Variants in FAM210B observed in about 807,000 individuals in gnomAD.
FAM210B encodes family with sequence similarity 210 member B.
A neutral mutation model predicts 14.9 loss-of-function variants in FAM210B; 11 were observed. The observed-to-expected ratio is 0.74, with a 90% confidence interval of 0.46 to 1.22. The LOEUF (loss-of-function observed/expected upper bound fraction) is 1.22. FAM210B is among the 50% of genes most tolerant of loss of function. The probability of loss-of-function intolerance (pLI) is 0.00; values close to 1 mark genes in which losing one functional copy is unlikely to be tolerated. For missense variants in FAM210B, 229 were observed against 250.1 expected (o/e 0.92, Z 0.57); for synonymous variants, 113 against 110.2 (o/e 1.03, Z -0.16).
intron 1 of FAM210B, among the ~76,000 whole-genome samples, chr20:56,361,878 G>A (rs1240934049): frequency 6.6e-6 from 1 of 152,178 alleles, no homozygotes; most frequent in East Asian, 1.9e-4. Context: ...TCGGGAGGCT[G>A]AGGCAGGAGA....
chr20:56,360,275 C>T (rs1983507903), intron 1 of FAM210B: 1 of 468,802 alleles, frequency 2.1e-6, no homozygotes, highest in African/African-American at 2.0e-5. Flanking sequence ...CAGGGCCCAG[C>T]CCAGCTGTTC....
Position 56,359,178 on chromosome 20 carries a change from G to A in FAM210B, c.173G>A (p.Cys58Tyr), listed in dbSNP as rs1403799456. The change falls in exon 1 of 3, where the codon TGC (cysteine) becomes TAC (tyrosine). Residue 58 changes from cysteine (C) to tyrosine (Y), a missense_variant. By Grantham distance (194) the Cys-to-Tyr change is radical. Transcript: ENST00000371384. The surrounding 1 kb of genome is among the most constrained non-coding windows in gnomAD (Gnocchi z 4.3). ...CTGCTCCGCACGGCGCGCGGGGACT[G>A]CCGCGGCCACCAGGTAAGCACCCCA... ...ARLLRTARGD[C>Y]RGHQDPSQAT... 1 of 1,236,658 alleles carries A rather than the reference G, an allele frequency of 8.1e-7. No individual in the cohort carries two copies. Among genetic ancestry groups the A allele is most frequent in the Non-Finnish European group, 1.0e-6 (1 of 993,452 alleles). The allele number at this position is 1,236,658 out of a possible 1,614,324, so 76.6% of individuals were successfully genotyped here.
In FAM210B at chr20:56,366,404, A is replaced by G. The variant is rs185027422; in HGVS notation, c.*117A>G. On this transcript the variant is annotated 3_prime_UTR_variant, in exon 3 of 3. Transcript: ENST00000371384. ...TTGGAGAGGTAGGGGGCTAATTGCT[A>G]TGTTCTCATGGATAAACTTTGCCAG... 3.8e-4 allele frequency: 342 copies of G among 893,434 alleles called. No individual in the cohort carries two copies. The African/African-American group carries it at 4.8e-3, about 13-fold the overall frequency. 55.3% of individuals were successfully genotyped at this position (893,434 alleles called of 1,614,324 possible).
rs1983696366 is a variant in FAM210B at position 56,368,364 on chromosome 20, G to C, written c.*2077G>C. Reference sequence around the variant, plus strand: ...AAAAGAAAAAAAAGAAAAACTGATGGTGAAACCTACAGGTTTAAGGGCTTA... The same window carrying C: ...AAAAGAAAAAAAAGAAAAACTGATGCTGAAACCTACAGGTTTAAGGGCTTA... On this transcript the variant is annotated 3_prime_UTR_variant, in exon 3 of 3. Transcript: ENST00000371384. The C allele has an allele frequency of 6.6e-6, 1 of 152,342 alleles. No individual in the cohort carries two copies. The highest frequency in any genetic ancestry group is 2.1e-4 in the South Asian group (1 of 4,820). The allele number at this position is 152,342 out of a possible 1,614,324, so 9.4% of individuals were successfully genotyped here.
Position 56,359,340 on chromosome 20 carries a change from C to T in FAM210B, c.186+149C>T. 1.3e-6 allele frequency: 1 copy of T among 769,166 alleles called. No homozygotes were observed. The highest frequency in any genetic ancestry group is 1.7e-6 in the Non-Finnish European group (1 of 575,076). The allele number at this position is 769,166 out of a possible 1,614,324, so 47.6% of individuals were successfully genotyped here. On this transcript the variant is annotated intron_variant, in intron 1 of 2. Transcript: ENST00000371384. The surrounding 1 kb of genome is among the most constrained non-coding windows in gnomAD (Gnocchi z 4.3). ...AGCTCTTCCAGGGTCCCCGAAACCC[C>T]AAATCCCTGCAAGCCAAGGAAGCGA... is the stretch of plus-strand genomic sequence containing the variant.
In FAM210B at chr20:56,363,544, C is replaced by A. The variant is rs190685549; in HGVS notation, c.187-1543C>A. Among the ~76,000 whole-genome samples, 18 of 152,352 alleles carry A rather than the reference C, an allele frequency of 1.2e-4. No individual in the cohort carries two copies. Among genetic ancestry groups the A allele is most frequent in the Admixed American group, 7.8e-4 (12 of 15,310 alleles). ...AGCTGACCTCCAGCCAGGTGCGCAT[C>A]ACCTGCCGGGACAAGCCCCAGGACT... On this transcript the variant is annotated intron_variant, in intron 1 of 2. Transcript: ENST00000371384. This position sits in a 1 kb window ranked among gnomAD's most constrained non-coding sequence, Gnocchi z 4.1.
rs1205167691 is a variant in FAM210B, at chr20:56,365,189, G to A, written c.289G>A (p.Gly97Ser). The change falls in exon 2 of 3, where the codon GGC (glycine) becomes AGC (serine). Residue 97 changes from glycine to serine, a missense_variant. Around this residue, in one of 3 missense-constraint regions of FAM210B, gnomAD observed 32 missense variants for 62.2 expected, o/e 0.51. Transcript: ENST00000371384. ...QQLKKIFQEY[G>S]TVGVSLHIGI... is the part of the protein sequence containing the mutation. ...ACTGAAAAAGATTTTTCAAGAGTAT[G>A]GCACTGTTGGCGTGTCATTGCACAT... 1.2e-6 allele frequency: 2 copies of A among 1,614,036 alleles called. No individual in the cohort carries two copies. The highest frequency in any genetic ancestry group is 2.2e-5 in the South Asian group (2 of 91,080).
intron 1 of FAM210B, chr20:56,360,766 C>G (rs1427720239): frequency 6.4e-6 from 1 of 155,594 alleles, no homozygotes; most frequent in African/African-American, 2.4e-5. Context: ...GGCAGAAACC[C>G]AAGTGGGATC....
chr20:56,368,064 A>G lies in FAM210B; in HGVS notation c.*1777A>G, dbSNP rs537913716. ...CATATCCAAGAATCTTTGTAGGACA[A>G]TTTCTCCACCTGCAAGGTCTTTCAG... On this transcript the variant is annotated 3_prime_UTR_variant, in exon 3 of 3. Transcript: ENST00000371384. 6.6e-6 allele frequency: 1 copy of G among 152,584 alleles called. No homozygotes were observed. Among genetic ancestry groups the G allele is most frequent in the Non-Finnish European group, 1.5e-5 (1 of 68,042 alleles). The allele number at this position is 152,584 out of a possible 1,614,324, so 9.5% of individuals were successfully genotyped here.
At position 56,366,236 on chromosome 20, in the gene FAM210B, C is replaced by G. The variant is rs1983632905; in HGVS notation, c.528C>G (p.Val176=). 1 of 1,614,052 alleles carries G rather than the reference C, an allele frequency of 6.2e-7. No homozygotes were observed. The highest frequency in any genetic ancestry group is 1.3e-5 in the African/African-American group (1 of 74,918). The change falls in exon 3 of 3, where the codon GTC becomes GTG. Residue 176 remains valine (V), a synonymous_variant. Coordinates refer to ENST00000371384, the MANE Select transcript of FAM210B (RefSeq NM_080821.3). ...SITLVSVPLI[V]RYFRKVGFFK... ...CGCTAGTCTCTGTGCCCTTGATTGT[C>G]AGATATTTTCGAAAAGTGGGATTTT...
Position 56,363,455 on chromosome 20 carries a change from A to G in FAM210B, c.187-1632A>G, listed in dbSNP as rs1272578906. 6.6e-6 allele frequency among the ~76,000 whole-genome samples: 1 copy of G among 152,226 alleles called. No individual in the cohort carries two copies. The highest frequency in any genetic ancestry group is 1.5e-5 in the Non-Finnish European group (1 of 68,046). On this transcript the variant is annotated intron_variant, in intron 1 of 2. Coordinates refer to ENST00000371384, the MANE Select transcript of FAM210B (RefSeq NM_080821.3). The surrounding 1 kb of genome is among the most constrained non-coding windows in gnomAD (Gnocchi z 4.1). ...ACTGAGGGTTTTCCTCAAATGTTCT[A>G]AAAAATCTTATGCCTCTAAAAATAA...
Position 56,363,913 on chromosome 20 carries a change from G to A in FAM210B, c.187-1174G>A, listed in dbSNP as rs1983579816. 6.6e-6 allele frequency among the ~76,000 whole-genome samples: 1 copy of A among 152,184 alleles called. No homozygotes were observed. Among genetic ancestry groups the A allele is most frequent in the East Asian group, 1.9e-4 (1 of 5,200 alleles). ...GTCACATGCTCAGGCTGTGGCCTTGGAGGGCCTGGGTTCTAATCTTGGTGA... is the reference window on the plus strand; with the variant it reads ...GTCACATGCTCAGGCTGTGGCCTTGAAGGGCCTGGGTTCTAATCTTGGTGA... On this transcript the variant is annotated intron_variant, in intron 1 of 2. Transcript: ENST00000371384. The surrounding 1 kb of genome is among the most constrained non-coding windows in gnomAD (Gnocchi z 4.1).
At chr20:56,364,660 GCTCA>G (rs1983594214) in intron 1 of FAM210B, among the ~76,000 whole-genome samples, 1 of 152,144 alleles carries the variant, frequency 6.6e-6, no homozygotes, top group Non-Finnish European at 1.5e-5. Context: ...CTCAAACTCG[GCTCA>G]CTGAGTAGGA....
In FAM210B at chr20:56,366,255, G is replaced by T; in HGVS notation, c.547G>T (p.Gly183Ter). ...GATTGTCAGATATTTTCGAAAAGTG[G>T]GATTTTTTAAACCTCCAGCTGCAAA... ...PLIVRYFRKV[G>*]FFKPPAAKP The change falls in exon 3 of 3, where the codon GGA (glycine) becomes TGA (stop). Residue 183 changes from glycine to a stop codon, truncating the protein, a stop_gained. Coordinates refer to ENST00000371384, the MANE Select transcript of FAM210B (RefSeq NM_080821.3). LOFTEE classifies it high-confidence loss of function. 1 of 1,614,026 alleles carries T rather than the reference G, an allele frequency of 6.2e-7. No homozygotes were observed. Among genetic ancestry groups the T allele is most frequent in the Non-Finnish European group, 8.5e-7 (1 of 1,180,012 alleles).
chr20:56,360,900 G>C (rs906890132), intron 1 of FAM210B, among the ~76,000 whole-genome samples: 2 of 152,208 alleles, frequency 1.3e-5, no homozygotes, highest in Admixed American at 1.3e-4. Context: ...CTCCCCTGTC[G>C]TCTGTTCTGG....
intron 1 of FAM210B, chr20:56,360,282 GTTCCTTCCTCCGGGAAGCCCTCTCTAAC>G (rs1301561822): frequency 2.1e-6 from 1 of 468,360 alleles, no homozygotes; most frequent in Non-Finnish European, 4.4e-6. Flanking sequence ...CAGCCCAGCT[GTTCCTTCCTCCGGGAAGCCCTCTCTAAC>G]GACCTGTGAG....
At position 56,367,993 on chromosome 20, in the gene FAM210B, A is replaced by C. The variant is rs537348512; in HGVS notation, c.*1706A>C. The C allele has an allele frequency of 6.6e-6, 1 of 152,538 alleles. No homozygotes were observed. Among genetic ancestry groups the C allele is most frequent in the East Asian group, 1.9e-4 (1 of 5,190 alleles). 9.4% of individuals were successfully genotyped at this position (152,538 alleles called of 1,614,324 possible). ...GTTTTGCAGAGATCAGGTTGTTGAC[A>C]GTTCCTGGTTGACCCACAGCTACCC... On this transcript the variant is annotated 3_prime_UTR_variant, in exon 3 of 3. Coordinates refer to ENST00000371384, the MANE Select transcript of FAM210B (RefSeq NM_080821.3).
In FAM210B at chr20:56,359,202, C is replaced by A; in HGVS notation, c.186+11C>A. 3 of 1,228,008 alleles carry A rather than the reference C, an allele frequency of 2.4e-6. No homozygotes were observed. The highest frequency in any genetic ancestry group is 3.0e-6 in the Non-Finnish European group (3 of 986,640). 76.1% of individuals were successfully genotyped at this position (1,228,008 alleles called of 1,614,324 possible). Reference sequence around the variant, plus strand: ...TGCCGCGGCCACCAGGTAAGCACCCCACCCCGACCCTGATCCCGGGCGGTG... The same window carrying A: ...TGCCGCGGCCACCAGGTAAGCACCCAACCCCGACCCTGATCCCGGGCGGTG... On this transcript the variant is annotated intron_variant, in intron 1 of 2. Coordinates refer to ENST00000371384, the MANE Select transcript of FAM210B (RefSeq NM_080821.3). This position sits in a 1 kb window ranked among gnomAD's most constrained non-coding sequence, Gnocchi z 4.3.
rs1983544600 is a variant in FAM210B, at chr20:56,362,171, A to G, written c.187-2916A>G. Among the ~76,000 whole-genome samples, 1 of 152,094 alleles carries G rather than the reference A, an allele frequency of 6.6e-6. No individual in the cohort carries two copies. The highest frequency in any genetic ancestry group is 1.5e-5 in the Non-Finnish European group (1 of 68,022). Reference sequence around the variant, plus strand: ...TATACACAATATAGTGTTTATTATTAATATGATTTCTCAAGTGGAAGAAAA... The same window carrying G: ...TATACACAATATAGTGTTTATTATTGATATGATTTCTCAAGTGGAAGAAAA... On this transcript the variant is annotated intron_variant, in intron 1 of 2. Coordinates refer to ENST00000371384, the MANE Select transcript of FAM210B (RefSeq NM_080821.3). This position sits in a 1 kb window ranked among gnomAD's most constrained non-coding sequence, Gnocchi z 4.8.
Sources: gnomAD v4.1 joint callset for allele counts (sites outside exome capture counted in the v4.1 genomes callset) on GRCh38, gnomAD v4.1.1 for gene constraint, gnomAD v4.1.1 regional missense constraint, Gnocchi (gnomAD v3.1) non-coding constraint, MANE v1.5 for transcripts, NCBI Gene and HGNC (gene_info 2026-07-23, HGNC 2026-07-21) for gene names.